Variants in THAP12 observed in about 807,000 individuals in gnomAD.
THAP12 encodes 52 kDa repressor of the inhibitor of the protein kinase.
A neutral mutation model predicts 63.0 loss-of-function variants in THAP12; 20 were observed. The observed-to-expected ratio is 0.32, with a 90% CI of 0.22 to 0.46. The LOEUF (loss-of-function observed/expected upper bound fraction) is 0.46, where lower values mean the gene tolerates loss of function less well. Among genes scored for constraint, THAP12 ranks in the 20% least tolerant of loss-of-function variants. The pLI, the probability that THAP12 is intolerant of heterozygous loss-of-function variation, is 1.00. For missense variants in THAP12, 568 were observed against 908.2 expected (o/e 0.63, Z 4.81); for synonymous variants, 264 against 328.4 (o/e 0.80, Z 2.12).
chr11:76,380,906 G>A lies in THAP12; in HGVS notation c.-70C>T. The A allele has an allele frequency of 4.8e-6, 5 of 1,042,088 alleles. No individual in the cohort carries two copies. Among genetic ancestry groups the A allele is most frequent in the Non-Finnish European group, 6.1e-6 (5 of 817,342 alleles). 64.6% of individuals were successfully genotyped at this position (1,042,088 alleles called of 1,614,324 possible). On this transcript the variant is annotated 5_prime_UTR_variant, in exon 1 of 5. Transcript: ENST00000260045. ...CTCAGGGCAGTCCGCCCGCCCGTCG[G>A]GGCCGGGGAGGGGAGCCAGGCCGGC... is the stretch of plus-strand genomic sequence containing the variant.
rs762209217 is a variant in THAP12 at position 76,355,671 on chromosome 11, AAAAAG to A, written c.319-22_319-18del. The A allele has an allele frequency of 1.0e-5, 16 of 1,571,262 alleles. No individual in the cohort carries two copies. Among genetic ancestry groups the A allele is most frequent in the Non-Finnish European group, 2.6e-6 (3 of 1,160,336 alleles). On this transcript the variant is annotated intron_variant, in intron 3 of 4. Coordinates refer to ENST00000260045, the MANE Select transcript of THAP12 (RefSeq NM_004705.4). ...ATCTTCACTCTAAATGTCAAGAAAA[AAAAAG>A]AAAAAAACAAATCATCTTTAAAAAA...
At chr11:76,379,014 C>T (rs1946730676) in intron 1 of THAP12, among the ~76,000 whole-genome samples, 1 of 152,136 alleles carries the variant, frequency 6.6e-6, no homozygotes, top group Non-Finnish European at 1.5e-5. Context: ...CAAATGCTCA[C>T]GTTAAAAATC....
chr11:76,363,838 G>A (rs957210320), intron 2 of THAP12, among the ~76,000 whole-genome samples: 1 of 152,032 alleles, frequency 6.6e-6, no homozygotes, highest in Non-Finnish European at 1.5e-5. Flanking sequence ...ACTCCTGACC[G>A]CAAATGATCT....
At position 76,381,084 on chromosome 11, in the gene THAP12, G is replaced by T. The variant is rs1046820966; in HGVS notation, c.-248C>A. The T allele has an allele frequency of 5.2e-6, 1 of 192,796 alleles. No individual in the cohort carries two copies. Among genetic ancestry groups the T allele is most frequent in the African/African-American group, 2.4e-5 (1 of 42,406 alleles). 11.9% of individuals were successfully genotyped at this position (192,796 alleles called of 1,614,324 possible). On this transcript the variant is annotated 5_prime_UTR_variant, in exon 1 of 5. Coordinates refer to ENST00000260045, the MANE Select transcript of THAP12 (RefSeq NM_004705.4). ...AGGATTTACCGCCGCCGCCGCCGCT[G>T]GTGCACCTCCCGCCCGCCCGAGACG...
At position 76,375,384 on chromosome 11, in the gene THAP12, C is replaced by G. The variant is rs376560137; in HGVS notation, c.89+5364G>C. The stretch of plus-strand genomic sequence containing the variant: ...GCAAGCCACCCTGGGGCAATCAAGA[C>G]TTAGGCTTTTTTTTTTTTTTTTTAC... On this transcript the variant is annotated intron_variant, in intron 1 of 4. Transcript: ENST00000260045. Among the ~76,000 whole-genome samples, 42 of 149,380 alleles carry G rather than the reference C, an allele frequency of 2.8e-4. No individual in the cohort carries two copies. In the East Asian group the frequency reaches 8.1e-3, roughly 29 times the overall value.
Position 76,380,813 on chromosome 11 carries a change from G to T in THAP12, c.24C>A (p.Pro8=), listed in dbSNP as rs989894015. The T allele has an allele frequency of 9.6e-6, 14 of 1,454,074 alleles. No homozygotes were observed. The highest frequency in any genetic ancestry group is 1.2e-5 in the Non-Finnish European group (13 of 1,096,210). 90.1% of individuals were successfully genotyped at this position (1,454,074 alleles called of 1,614,324 possible). Residue 8 remains proline, a synonymous_variant, in exon 1 of 5, where the codon CCC becomes CCA. Coordinates refer to ENST00000260045, the MANE Select transcript of THAP12 (RefSeq NM_004705.4). MPNFCAA[P]NCTRKSTQSD... ...ACTGCGTGCTCTTCCGCGTGCAGTT[G>T]GGGGCAGCGCAGAAGTTCGGCATCG...
At chr11:76,377,340 C>A (rs1946718370) in intron 1 of THAP12, among the ~76,000 whole-genome samples, 2 of 152,192 alleles carry the variant, frequency 1.3e-5, no homozygotes, top group Non-Finnish European at 2.9e-5. Context: ...ATCACCACTA[C>A]CTAATTCTAA....
chr11:76,374,072 T>G (rs1946692090), intron 1 of THAP12, among the ~76,000 whole-genome samples: 1 of 152,200 alleles, frequency 6.6e-6, no homozygotes, highest in African/African-American at 2.4e-5. Context: ...TATTGCTATA[T>G]GTTGTTTTGG....
intron 3 of THAP12, chr11:76,356,034 T>C (rs1440135663): frequency 6.2e-6 from 1 of 162,476 alleles, no homozygotes; most frequent in Non-Finnish European, 1.3e-5. Flanking sequence ...ACCCTGGAGA[T>C]GTCCCATAAG....
intron 1 of THAP12, among the ~76,000 whole-genome samples, chr11:76,371,774 C>T (rs1264535833): frequency 3.3e-5 from 5 of 149,868 alleles, no homozygotes; most frequent in Admixed American, 6.6e-5. Context: ...CCAACGGTCA[C>T]TTTCCTGTAC....
chr11:76,361,677 A>G (rs1946598675), intron 2 of THAP12, among the ~76,000 whole-genome samples: 1 of 152,236 alleles, frequency 6.6e-6, no homozygotes, highest in Admixed American at 6.5e-5. Flanking sequence ...GAAATTATTC[A>G]CATACTAATG....
At chr11:76,363,486 G>A (rs1049501567) in intron 2 of THAP12, among the ~76,000 whole-genome samples, 2 of 152,122 alleles carry the variant, frequency 1.3e-5, no homozygotes, top group African/African-American at 4.8e-5. Flanking sequence ...TGGGACTACA[G>A]ACACGTGCCA....
intron 2 of THAP12, among the ~76,000 whole-genome samples, chr11:76,362,030 T>C (rs1344674295): frequency 6.6e-6 from 1 of 152,202 alleles, no homozygotes; most frequent in African/African-American, 2.4e-5. Flanking sequence ...CCTGTTAATT[T>C]CATCCAACTT....
intron 4 of THAP12, 120 bp from the exon 5 acceptor site, chr11:76,352,914 G>T: frequency 8.5e-7 from 1 of 1,176,946 alleles, no homozygotes. Context: ...TATTCATAGG[G>T]TATTTACTAG....
chr11:76,373,283 T>C (rs1590806712), intron 1 of THAP12, among the ~76,000 whole-genome samples: 1 of 150,328 alleles, frequency 6.7e-6, no homozygotes, highest in Admixed American at 6.6e-5. Flanking sequence ...GAGGCAGAGG[T>C]TGCAATGACT....
chr11:76,360,387 G>A (rs1358627753), intron 3 of THAP12, among the ~76,000 whole-genome samples: 5 of 152,196 alleles, frequency 3.3e-5, no homozygotes, highest in Non-Finnish European at 5.9e-5. Flanking sequence ...ATGGACTAAG[G>A]AGTTACTGTA....
chr11:76,358,785 G>C (rs1017965293), intron 3 of THAP12: 40 of 152,068 alleles, frequency 2.6e-4, no homozygotes, highest in African/African-American at 9.4e-4. Context: ...TCTGGCTTGG[G>C]TGACAGAGTG....
At chr11:76,364,337 C>A in intron 2 of THAP12, 1 of 371,936 alleles carries the variant, frequency 2.7e-6, no homozygotes. Flanking sequence ...AATTGGCTCA[C>A]CTCCCAATGA....
intron 1 of THAP12, among the ~76,000 whole-genome samples, chr11:76,375,369 C>T (rs1432981457): frequency 6.6e-6 from 1 of 151,382 alleles, no homozygotes; most frequent in African/African-American, 2.4e-5. Context: ...GCAAGCCACC[C>T]TGGGGCAATC....
Sources: gnomAD v4.1 joint callset for allele counts (sites outside exome capture counted in the v4.1 genomes callset) on GRCh38, gnomAD v4.1.1 for gene constraint, MANE v1.5 for transcripts, NCBI Gene and HGNC (gene_info 2026-07-23, HGNC 2026-07-21) for gene names.